The following IRS1 variants were observed in gnomAD, a reference collection of about 807,000 sequenced individuals.
The protein encoded by IRS1 is insulin receptor substrate 1.
A neutral mutation model predicts 65.6 loss-of-function variants in IRS1; 34 were observed. That is an observed-to-expected ratio of 0.52 (90% CI 0.39 to 0.69). The LOEUF (loss-of-function observed/expected upper bound fraction) is 0.69. Ranked by LOEUF, IRS1 falls within the 30% of genes least tolerant of loss-of-function variation. The pLI, the probability that IRS1 is intolerant of heterozygous loss-of-function variation, is 0.00. For synonymous variants in IRS1, 699 were observed against 683.5 expected (o/e 1.02, Z -0.35); for missense variants, 1,641 against 1,720.2 (o/e 0.95, Z 0.81).
At chr2:226,771,706 C>T (rs1939168672) in intron 1 of IRS1, among the ~76,000 whole-genome samples, 1 of 151,986 alleles carries the variant, frequency 6.6e-6, no homozygotes, top group South Asian at 2.1e-4. Flanking sequence ...CTGCCTGGCA[C>T]AGCACACAGC....
At chr2:226,738,209 G>A (rs76396839) in intron 1 of IRS1, among the ~76,000 whole-genome samples, 2,904 of 152,284 alleles carry the variant, frequency 0.019, 37 homozygotes, top group Admixed American at 0.031. Context: ...TACACGCAAC[G>A]TAAGTGTGGA....
intron 1 of IRS1, among the ~76,000 whole-genome samples, chr2:226,769,526 T>A (rs1396367380): frequency 6.6e-6 from 1 of 152,144 alleles, no homozygotes; most frequent in East Asian, 1.9e-4. Context: ...CAACCAGACA[T>A]GGATGGAAGA....
intron 1 of IRS1, among the ~76,000 whole-genome samples, chr2:226,777,634 C>T (rs188778535): frequency 9.2e-5 from 14 of 152,204 alleles, no homozygotes; most frequent in Admixed American, 5.2e-4. Flanking sequence ...AATCATGGGG[C>T]GGGTCTTTCC....
intron 1 of IRS1, among the ~76,000 whole-genome samples, chr2:226,782,744 G>A (rs1820841): frequency 6.6e-6 from 1 of 152,102 alleles, no homozygotes. Context: ...CTCATGCCTG[G>A]AATCCCAGCA....
chr2:226,762,054 C>G (rs1173333402), intron 1 of IRS1, among the ~76,000 whole-genome samples: 1 of 152,196 alleles, frequency 6.6e-6, no homozygotes, highest in Non-Finnish European at 1.5e-5. Flanking sequence ...ATAGCCCTTG[C>G]TCATTACAGA....
At chr2:226,791,625 G>A (rs1939603637) in intron 1 of IRS1, among the ~76,000 whole-genome samples, 1 of 151,754 alleles carries the variant, frequency 6.6e-6, no homozygotes, top group African/African-American at 2.4e-5. Context: ...GGCAGAAAGC[G>A]GCCCAGGGAC....
intron 1 of IRS1, among the ~76,000 whole-genome samples, chr2:226,786,664 C>CA (rs1230607323): frequency 1.3e-4 from 18 of 133,708 alleles, no homozygotes; most frequent in African/African-American, 5.1e-4. Context: ...AAAACAACAA[C>CA]AACAAAAAAA....
rs1480520132 is a variant in IRS1 at position 226,795,335 on chromosome 2, C to A, written c.3404G>T (p.Ser1135Ile). Residue 1135 changes from serine (S) to isoleucine (I), a missense_variant, in exon 1 of 2, where the codon AGC (serine) becomes ATC (isoleucine). Coordinates refer to ENST00000305123, the MANE Select transcript of IRS1 (RefSeq NM_005544.3). ...VGGGGGSSSS[S>I]EDVKRHSSAS... ...AGAGCTGTGGCGTTTCACATCCTCG[C>A]TGCTGCTGCTGCTACCGCCACCGCC... The A allele has an allele frequency of 2.3e-5, 37 of 1,611,934 alleles. No individual in the cohort carries two copies. The highest frequency in any genetic ancestry group is 3.1e-5 in the Non-Finnish European group (37 of 1,179,336).
At chr2:226,793,691 A>G (rs1939652944) in intron 1 of IRS1, among the ~76,000 whole-genome samples, 1 of 152,250 alleles carries the variant, frequency 6.6e-6, no homozygotes, top group Non-Finnish European at 1.5e-5. Flanking sequence ...AAGAAAAATC[A>G]GTGCTTTTAA....
intron 1 of IRS1, among the ~76,000 whole-genome samples, chr2:226,771,774 G>A (rs961913074): frequency 2.6e-5 from 4 of 152,048 alleles, no homozygotes; most frequent in African/African-American, 7.2e-5. Flanking sequence ...GAATTCTACA[G>A]AAGAAAACAT....
Position 226,794,810 on chromosome 2 carries a change from T to G in IRS1, c.*21+179A>C, listed in dbSNP as rs1939675561. Reference sequence around the variant, plus strand: ...CCTCCTGTGGCTGCTCCTACATGTTTGTTTGACTCTCTGCCAGATGTCAGT... The same window carrying G: ...CCTCCTGTGGCTGCTCCTACATGTTGGTTTGACTCTCTGCCAGATGTCAGT... On this transcript the variant is annotated intron_variant, in intron 1 of 1. Transcript: ENST00000305123. This position sits in a 1 kb window ranked among gnomAD's most constrained non-coding sequence, Gnocchi z 4.1. 6.6e-6 allele frequency among the ~76,000 whole-genome samples: 1 copy of G among 152,230 alleles called. No individual in the cohort carries two copies. Among genetic ancestry groups the G allele is most frequent in the African/African-American group, 2.4e-5 (1 of 41,448 alleles).
At chr2:226,770,586 A>G (rs1033932925) in intron 1 of IRS1, among the ~76,000 whole-genome samples, 3 of 152,234 alleles carry the variant, frequency 2.0e-5, no homozygotes, top group Admixed American at 2.0e-4. Context: ...GACATCTATA[A>G]CATACAGTCT....
intron 1 of IRS1, among the ~76,000 whole-genome samples, chr2:226,768,914 C>T (rs1171942908): frequency 1.3e-5 from 2 of 152,146 alleles, no homozygotes; most frequent in African/African-American, 2.4e-5. Flanking sequence ...GGATTACAGG[C>T]GTGAGCCACC....
intron 1 of IRS1, among the ~76,000 whole-genome samples, chr2:226,750,486 G>A (rs962703371): frequency 6.6e-6 from 1 of 151,966 alleles, no homozygotes; most frequent in African/African-American, 2.4e-5. Context: ...TAAAAAATGG[G>A]GACTTCCACA....
At position 226,795,229 on chromosome 2, in the gene IRS1, A is replaced by C; in HGVS notation, c.3510T>G (p.Ala1170=). 1 of 1,614,064 alleles carries C rather than the reference A, an allele frequency of 6.2e-7. No individual in the cohort carries two copies. The highest frequency in any genetic ancestry group is 1.3e-5 in the African/African-American group (1 of 75,040). The part of the protein sequence containing the change: ...PKEPAKLCGA[A]GGLENGLNYI... ...AGTTAAGACCATTCTCCAAACCCCC[A>C]GCAGCCCCACACAGTTTGGCTGGCT... Residue 1170 remains alanine, a synonymous_variant, in exon 1 of 2, where the codon GCT becomes GCG. Coordinates refer to ENST00000305123, the MANE Select transcript of IRS1 (RefSeq NM_005544.3).
rs184012872 is a variant in IRS1 at position 226,734,900 on chromosome 2, C to A, written c.*1372G>T. The A allele has an allele frequency of 1.3e-5, 2 of 152,130 alleles. No individual in the cohort carries two copies. The highest frequency in any genetic ancestry group is 1.9e-4 in the East Asian group (1 of 5,196). The allele number at this position is 152,130 out of a possible 1,614,324, so 9.4% of individuals were successfully genotyped here. A position where few individuals can be genotyped will look rare whatever the true frequency, so the allele number is the denominator to read the frequency against. ...ATTAAGCTTTTCTGTGCTCTCTGTA[C>A]GCTGTGTTTTGTTAACTAATCACTA... On this transcript the variant is annotated 3_prime_UTR_variant, in exon 2 of 2. Transcript: ENST00000305123.
Position 226,772,877 on chromosome 2 carries a change from C to CCT in IRS1, c.*21+22110_*21+22111dup, listed in dbSNP as rs1939191344. ...CACTAAATTTTTTTTCACCACAGAA[C>CCT]CTCACATTTAGGACACTTCCCAAAA... On this transcript the variant is annotated intron_variant, in intron 1 of 1. Coordinates refer to ENST00000305123, the MANE Select transcript of IRS1 (RefSeq NM_005544.3). 2.0e-5 allele frequency among the ~76,000 whole-genome samples: 3 copies of CCT among 152,196 alleles called. No individual in the cohort carries two copies. The South Asian group carries it at 6.2e-4, about 32-fold the overall frequency.
rs753804742 is a variant in IRS1 at position 226,796,959 on chromosome 2, G to A, written c.1780C>T (p.Arg594Cys). 1.9e-6 allele frequency: 3 copies of A among 1,566,978 alleles called. No individual in the cohort carries two copies. The highest frequency in any genetic ancestry group is 2.4e-5 in the South Asian group (2 of 83,586). ...EEGLEMHPLE[R>C]RGGHHRPDSS... Reference sequence around the variant, plus strand: ...TCTGGGCGGTGGTGCCCCCCCCGACGCTCCAAGGGGTGCATTTCCAGACCC... The same window carrying A: ...TCTGGGCGGTGGTGCCCCCCCCGACACTCCAAGGGGTGCATTTCCAGACCC... The change falls in exon 1 of 2, where the codon CGT becomes TGT. Residue 594 changes from arginine to cysteine, a missense_variant. Around this residue, in one of 3 missense-constraint regions of IRS1, gnomAD observed 1,324 missense variants for 1,361.0 expected, o/e 0.97. Coordinates refer to ENST00000305123, the MANE Select transcript of IRS1 (RefSeq NM_005544.3).
At chr2:226,786,180 C>T (rs1387108014) in intron 1 of IRS1, among the ~76,000 whole-genome samples, 4 of 150,166 alleles carry the variant, frequency 2.7e-5, no homozygotes, top group East Asian at 2.0e-4. Flanking sequence ...TCTTTGCTAT[C>T]GTGAATAGTG....
Sources: allele counts gnomAD v4.1 joint callset (sites outside exome capture counted in the v4.1 genomes callset), GRCh38; gene constraint gnomAD v4.1.1; regional missense constraint gnomAD v4.1.1; non-coding constraint Gnocchi (gnomAD v3.1); transcripts MANE v1.5; gene names NCBI Gene and HGNC (gene_info 2026-07-23, HGNC 2026-07-21).